Variants in GTF2I observed in about 807,000 individuals in gnomAD.
GTF2I encodes the protein general transcription factor II-I.
GTF2I carries 12 observed loss-of-function variants against 67.6 expected under a neutral mutation model. The ratio of observed to expected loss-of-function variants is 0.18; its 90% CI spans 0.11 to 0.29. The LOEUF is 0.29. GTF2I is among the 10% of genes least tolerant of loss of function. The pLI is 1.00. For synonymous variants in GTF2I, 149 were observed against 197.0 expected, an observed-to-expected ratio of 0.76 and a Z score of 2.04; for missense variants, 271 against 580.1, an observed-to-expected ratio of 0.47 and a Z score of 5.47.
At chr7:74,711,743 T>C (rs1554402583) in intron 9 of GTF2I, among the ~76,000 whole-genome samples, 1 of 152,204 alleles carries the variant, frequency 6.6e-6, no homozygotes, top group Non-Finnish European at 1.5e-5. Flanking sequence ...ATGATTGTTT[T>C]GAAATTCATC....
In GTF2I at chr7:74,657,934, C is replaced by T. The variant is rs1321539637; in HGVS notation, c.-140C>T. The T allele has an allele frequency of 1.3e-5, 2 of 152,156 alleles. No individual in the cohort carries two copies. The highest frequency in any genetic ancestry group is 6.6e-5 in the Admixed American group (1 of 15,240). The allele number at this position is 152,156 out of a possible 1,614,324, so 9.4% of individuals were successfully genotyped here. ...ACCGACACGCACGGGCCCCTCGCCC[C>T]CTCTCGCCTCCCGTCCGCTCGCCAG... is the stretch of plus-strand genomic sequence containing the variant. On this transcript the variant is annotated 5_prime_UTR_variant, in exon 1 of 35. Transcript: ENST00000573035.
At chr7:74,692,073 G>A (rs762238367) in intron 3 of GTF2I, among the ~76,000 whole-genome samples, 21 of 148,086 alleles carry the variant, frequency 1.4e-4, no homozygotes, top group Admixed American at 1.1e-3. Context: ...CACCACTCTC[G>A]GCTTTTTTTT....
intron 1 of GTF2I, among the ~76,000 whole-genome samples, chr7:74,676,441 G>A (rs1805914778): frequency 6.6e-6 from 1 of 152,006 alleles, no homozygotes; most frequent in Non-Finnish European, 1.5e-5. Context: ...AACATAGTGA[G>A]ACCCTTATCT....
At chr7:74,671,678 C>T (rs1554390718) in intron 1 of GTF2I, among the ~76,000 whole-genome samples, 4 of 151,968 alleles carry the variant, frequency 2.6e-5, no homozygotes, top group South Asian at 2.1e-4. Context: ...TCAGCATACG[C>T]CCCTAGAAAA....
intron 1 of GTF2I, among the ~76,000 whole-genome samples, 182 bp downstream of exon 1, chr7:74,658,250 A>G (rs1177288364): frequency 7.0e-6 from 1 of 141,894 alleles, no homozygotes; most frequent in Non-Finnish European, 1.6e-5. Context: ...CCCTACCCCC[A>G]CCCCCACCGC....
At chr7:74,741,021 C>T (rs1795061281) in intron 19 of GTF2I, among the ~76,000 whole-genome samples, 1 of 30,170 alleles carries the variant, frequency 3.3e-5, no homozygotes, top group African/African-American at 1.6e-4. Flanking sequence ...ATACTCTGTC[C>T]ACATCAGTGA....
At chr7:74,726,403 A>C (rs1793784650) in intron 12 of GTF2I, 1 of 152,170 alleles carries the variant, frequency 6.6e-6, no homozygotes, top group South Asian at 2.1e-4. Context: ...TTGAGGTCCA[A>C]ACTTACACAC....
chr7:74,663,948 G>A (rs1411196205), intron 1 of GTF2I, among the ~76,000 whole-genome samples: 1 of 152,076 alleles, frequency 6.6e-6, no homozygotes, highest in African/African-American at 2.4e-5. Context: ...TCCTGCCTCA[G>A]TCTCCTAAGT....
chr7:74,680,079 C>CAAAA (rs1225904374), intron 1 of GTF2I, among the ~76,000 whole-genome samples: 803 of 30,480 alleles, frequency 0.026, 10 homozygotes, highest in Non-Finnish European at 0.033. Flanking sequence ...GAGTCCATCT[C>CAAAA]AAAAAAAAAA....
At chr7:74,677,249 T>C (rs1232398441) in intron 1 of GTF2I, among the ~76,000 whole-genome samples, 1 of 152,222 alleles carries the variant, frequency 6.6e-6, no homozygotes, top group Non-Finnish European at 1.5e-5. Context: ...CTTTTGGATT[T>C]ATTTTAAGCA....
At chr7:74,662,297 C>T (rs782498801) in intron 1 of GTF2I, among the ~76,000 whole-genome samples, 3 of 147,722 alleles carry the variant, frequency 2.0e-5, no homozygotes, top group Non-Finnish European at 4.5e-5. Context: ...GCAACTTACG[C>T]CCCCCCAGGG....
At chr7:74,720,146 T>A (rs1554404289) in intron 12 of GTF2I, among the ~76,000 whole-genome samples, 2 of 152,188 alleles carry the variant, frequency 1.3e-5, no homozygotes, top group African/African-American at 4.8e-5. Flanking sequence ...GATGCGAAAA[T>A]ACACAGATGC....
At chr7:74,678,724 T>C (rs1786925931) in intron 1 of GTF2I, among the ~76,000 whole-genome samples, 1 of 152,158 alleles carries the variant, frequency 6.6e-6, no homozygotes. Flanking sequence ...AGCAGTGTTT[T>C]GTGACATAAG....
intron 12 of GTF2I, among the ~76,000 whole-genome samples, chr7:74,721,829 A>G (rs1793043353): frequency 6.6e-6 from 1 of 152,224 alleles, no homozygotes; most frequent in South Asian, 2.1e-4. Context: ...AATCTGAAAA[A>G]AGATCTCTAA....
chr7:74,680,099 A>AAAAAAAAAAAAAAAAAATATAT, intron 1 of GTF2I, among the ~76,000 whole-genome samples: 1 of 95,000 alleles, frequency 1.1e-5, no homozygotes, highest in African/African-American at 4.0e-5. Flanking sequence ...AAAAAAAAAA[A>AAAAAAAAAAAAAAAAAATATAT]ATATATATAT....
chr7:74,670,289 G>T (rs587676248), intron 1 of GTF2I, among the ~76,000 whole-genome samples: 6 of 152,246 alleles, frequency 3.9e-5, no homozygotes, highest in African/African-American at 1.4e-4. Context: ...GAATCCCAGG[G>T]TCACCTGTAA....
At chr7:74,671,967 G>A (rs587609524) in intron 1 of GTF2I, among the ~76,000 whole-genome samples, 3 of 151,860 alleles carry the variant, frequency 2.0e-5, no homozygotes, top group African/African-American at 7.2e-5. Context: ...CTGGGTGACA[G>A]AGCAAGACCC....
intron 1 of GTF2I, among the ~76,000 whole-genome samples, chr7:74,675,267 G>A (rs111919465): frequency 5.9e-5 from 9 of 152,314 alleles, no homozygotes; most frequent in African/African-American, 1.9e-4. Context: ...GGTTTGTCCA[G>A]TGCTTCCTCA....
In GTF2I at chr7:74,714,898, C is replaced by A; in HGVS notation, c.805C>A (p.Leu269Ile). The A allele has an allele frequency of 6.2e-7, 1 of 1,605,756 alleles. No individual in the cohort carries two copies. Among genetic ancestry groups the A allele is most frequent in the East Asian group, 2.2e-5 (1 of 44,624 alleles). Residue 269 changes from leucine (L) to isoleucine (I), a missense_variant, in exon 10 of 35, where the codon CTA (leucine) becomes ATA (isoleucine). Physicochemically the swap from Leu to Ile is conservative, Grantham distance 5 (BLOSUM62 2). Coordinates refer to ENST00000573035, the MANE Select transcript of GTF2I (RefSeq NM_032999.4). ...TGATGATGTTGATGAAAAACAGCCC[C>A]TATCGAAGCCTTTGCAAGGTATAAT... ...ETDDVDEKQP[L>I]SKPLQGSHHS...
Sources: gnomAD v4.1 joint callset for allele counts (sites outside exome capture counted in the v4.1 genomes callset) on GRCh38, gnomAD v4.1.1 for gene constraint, MANE v1.5 for transcripts, NCBI Gene and HGNC (gene_info 2026-07-23, HGNC 2026-07-21) for gene names.